The following FRMPD3 variants were observed in gnomAD, a reference collection of about 807,000 sequenced individuals.
FRMPD3 encodes the protein FERM and PDZ domain containing 3.
Under a neutral mutation model 97.9 loss-of-function variants are expected in FRMPD3, and 42 were observed. The ratio of observed to expected loss-of-function variants is 0.43; its 90% CI spans 0.34 to 0.55. The LOEUF is 0.55. FRMPD3 is among the 20% of genes least tolerant of loss of function. FRMPD3 has a pLI of 0.03. For synonymous variants in FRMPD3, 577 were observed against 581.1 expected, an observed-to-expected ratio of 0.99 and a Z score of 0.10; for missense variants, 1,303 against 1,457.7, an observed-to-expected ratio of 0.89 and a Z score of 1.73.
At chrX:107,510,843 T>C (rs1406824199) in intron 1 of FRMPD3, among the ~76,000 whole-genome samples, 1 of 111,867 alleles carries the variant, frequency 8.9e-6, no homozygotes, top group African/African-American at 3.3e-5. Context: ...TGGCCTAATT[T>C]TTGCCCTGTC....
intron 1 of FRMPD3, among the ~76,000 whole-genome samples, chrX:107,452,779 G>C (rs1335491214): frequency 9.0e-6 from 1 of 111,268 alleles, no homozygotes; most frequent in African/African-American, 3.3e-5. Context: ...TGAGAAGTGA[G>C]CTGTGTGGCC....
At chrX:107,552,538 G>A (rs1338664125) in intron 6 of FRMPD3, among the ~76,000 whole-genome samples, 1 of 111,356 alleles carries the variant, frequency 9.0e-6, no homozygotes. Context: ...CATAAGCCTC[G>A]CCAGGTGAAA....
Position 107,597,515 on chromosome X carries a change from G to A in FRMPD3, c.1636G>A (p.Val546Ile). ...QRKEQESRTDVNENLIFFEET... is the reference protein window; with the variant it reads ...QRKEQESRTDINENLIFFEET... ...GAAGGAGCAGGAAAGCCGGACAGAT[G>A]TCAACGAGAACCTAATCTTCTTTGA... Residue 546 changes from valine (V) to isoleucine (I), a missense_variant, in exon 14 of 15, where the codon GTC (valine) becomes ATC (isoleucine). Coordinates refer to ENST00000683843, the MANE Select transcript of FRMPD3 (RefSeq NM_001388459.1). 8.3e-7 allele frequency: 1 copy of A among 1,210,799 alleles called. No individual in the cohort carries two copies. Among genetic ancestry groups the A allele is most frequent in the Non-Finnish European group, 1.1e-6 (1 of 895,426 alleles).
intron 1 of FRMPD3, among the ~76,000 whole-genome samples, chrX:107,513,623 T>C: frequency 8.9e-6 from 1 of 112,091 alleles, no homozygotes; most frequent in South Asian, 3.7e-4. Context: ...TGACTTTGTC[T>C]TTGCACAGAG....
chrX:107,555,518 T>A lies in FRMPD3; in HGVS notation c.762+1014T>A, dbSNP rs1169054857. On this transcript the variant is annotated intron_variant, in intron 8 of 14. Transcript: ENST00000683843. ...ACTCTGGAGGCAGAATTCAGTACTC[T>A]GTGTTTTAACAAGCCTTCCAGGGGA... Among the ~76,000 whole-genome samples the A allele has an allele frequency of 1.2e-4, 13 of 112,134 alleles. No homozygotes were observed. In the Admixed American group the frequency reaches 1.2e-3, roughly 11 times the overall value.
chrX:107,471,874 A>G (rs1473093791), intron 1 of FRMPD3, among the ~76,000 whole-genome samples: 1 of 112,525 alleles, frequency 8.9e-6, no homozygotes, highest in Non-Finnish European at 1.9e-5. Context: ...AAGAATCGCC[A>G]TACTGTCTTC....
chrX:107,600,710 C>T lies in FRMPD3; in HGVS notation c.2671C>T (p.Leu891=). The T allele has an allele frequency of 8.3e-7, 1 of 1,202,581 alleles. No individual in the cohort carries two copies. The highest frequency in any genetic ancestry group is 1.1e-6 in the Non-Finnish European group (1 of 891,091). Residue 891 remains leucine (L), a synonymous_variant, in exon 15 of 15, where the codon CTG becomes TTG. Coordinates refer to ENST00000683843, the MANE Select transcript of FRMPD3 (RefSeq NM_001388459.1). ...CCCACAGCTTAGTGAACAGAAGAAT[C>T]TGAGTCTGCTGTCCCCAGTTCCTGA... is the stretch of plus-strand genomic sequence containing the variant. ...LSPQLSEQKN[L]SLLSPVPEDK... is the part of the protein sequence containing the mutation.
At chrX:107,589,364 G>A (rs1986274164) in intron 13 of FRMPD3, among the ~76,000 whole-genome samples, 1 of 110,812 alleles carries the variant, frequency 9.0e-6, no homozygotes. Flanking sequence ...TACGGCTGCT[G>A]CTATTTGCTG....
At chrX:107,580,163 T>C (rs1320978829) in intron 13 of FRMPD3, among the ~76,000 whole-genome samples, 1 of 112,344 alleles carries the variant, frequency 8.9e-6, no homozygotes. Flanking sequence ...ATAACTCCAG[T>C]TGAATCACCC....
chrX:107,579,121 A>G (rs1213898533), intron 13 of FRMPD3, among the ~76,000 whole-genome samples: 2 of 111,185 alleles, frequency 1.8e-5, no homozygotes, highest in Non-Finnish European at 3.8e-5. Context: ...CATCCTCCCA[A>G]CCTTATCTGG....
intron 1 of FRMPD3, among the ~76,000 whole-genome samples, chrX:107,498,139 C>G (rs1426367893): frequency 8.9e-6 from 1 of 112,593 alleles, no homozygotes; most frequent in African/African-American, 3.2e-5. Flanking sequence ...CCACTAATGC[C>G]TTAGAATCAT....
chrX:107,457,075 A>G (rs936779921), intron 1 of FRMPD3, among the ~76,000 whole-genome samples: 19 of 110,930 alleles, frequency 1.7e-4, no homozygotes, highest in Non-Finnish European at 3.0e-4. Context: ...AGAGTCAAAG[A>G]TGATTCTAAG....
At chrX:107,593,076 A>G (rs185358837) in intron 13 of FRMPD3, among the ~76,000 whole-genome samples, 2 of 111,803 alleles carry the variant, frequency 1.8e-5, no homozygotes, top group African/African-American at 6.5e-5. Context: ...GCGCCCAGCC[A>G]TTATGGTGAA....
At chrX:107,506,712 C>T (rs1387678264) in intron 1 of FRMPD3, among the ~76,000 whole-genome samples, 2 of 112,148 alleles carry the variant, frequency 1.8e-5, no homozygotes, top group Admixed American at 9.4e-5. Flanking sequence ...CTGTCCCGGG[C>T]GGCGGCCGGA....
At chrX:107,532,498 C>G (rs1171779235) in intron 3 of FRMPD3, among the ~76,000 whole-genome samples, 1 of 112,467 alleles carries the variant, frequency 8.9e-6, no homozygotes, top group Non-Finnish European at 1.9e-5. Flanking sequence ...TGGCAAGGGG[C>G]TGGAGGAGAC....
chrX:107,602,687 T>TGCAGCA lies in FRMPD3; in HGVS notation c.4657_4662dup (p.Ser1553_Ser1554dup). ...CCTGCAGGTGCTGGATGCTGCTACC[T>TGCAGCA]GCAGCAGCAGCAGCCCTGAGGCCTC... On this transcript the variant is annotated inframe_insertion, in exon 15 of 15. Transcript: ENST00000683843. 1 of 1,209,297 alleles carries TGCAGCA rather than the reference T, an allele frequency of 8.3e-7. No homozygotes were observed. Among genetic ancestry groups the TGCAGCA allele is most frequent in the Non-Finnish European group, 1.1e-6 (1 of 895,041 alleles).
At chrX:107,513,850 T>A (rs1922230509) in intron 1 of FRMPD3, among the ~76,000 whole-genome samples, 1 of 112,448 alleles carries the variant, frequency 8.9e-6, no homozygotes. Context: ...GTGGAGGAGA[T>A]ATACTGTTGT....
intron 1 of FRMPD3, among the ~76,000 whole-genome samples, chrX:107,498,560 A>G (rs1237499483): frequency 8.9e-6 from 1 of 112,068 alleles, no homozygotes. Flanking sequence ...CTAGCATCCC[A>G]ATGCTGGAAA....
intron 1 of FRMPD3, among the ~76,000 whole-genome samples, chrX:107,525,814 G>A (rs1922670119): frequency 8.9e-6 from 1 of 112,182 alleles, no homozygotes; most frequent in African/African-American, 3.2e-5. Flanking sequence ...GGTGGCTCAC[G>A]CCTGTAATCC....
Sources: gnomAD v4.1 joint callset for allele counts (sites outside exome capture counted in the v4.1 genomes callset) on GRCh38, gnomAD v4.1.1 for gene constraint, MANE v1.5 for transcripts, NCBI Gene and HGNC (gene_info 2026-07-23, HGNC 2026-07-21) for gene names.